The following NDUFAF2 variants were observed in gnomAD, a reference collection of about 807,000 sequenced individuals.
NDUFAF2 encodes NADH:ubiquinone oxidoreductase complex assembly factor 2, also known as NADH dehydrogenase [ubiquinone] 1 alpha subcomplex assembly factor 2.
Under a neutral mutation model 22.8 loss-of-function variants are expected in NDUFAF2, and 13 were observed. The observed-to-expected ratio is 0.57, with a 90% CI of 0.37 to 0.91. NDUFAF2 has a LOEUF of 0.91. NDUFAF2 is among the 40% of genes least tolerant of loss of function. The pLI is 0.01. For synonymous variants in NDUFAF2, 53 were observed against 64.2 expected, an observed-to-expected ratio of 0.83 and a Z score of 0.84; for missense variants, 162 against 195.2, an observed-to-expected ratio of 0.83 and a Z score of 1.01.
intron 1 of NDUFAF2, among the ~76,000 whole-genome samples, chr5:61,071,867 G>A (rs569698689): frequency 3.9e-5 from 6 of 152,318 alleles, no homozygotes; most frequent in Admixed American, 2.0e-4. Flanking sequence ...ATGTTTTGAA[G>A]CAACCATTTT....
chr5:61,026,336 T>C (rs1223041952), intron 1 of NDUFAF2, among the ~76,000 whole-genome samples: 1 of 152,072 alleles, frequency 6.6e-6, no homozygotes, highest in Non-Finnish European at 1.5e-5. Context: ...GGGTTTACAC[T>C]GACCAGGATT....
intron 1 of NDUFAF2, among the ~76,000 whole-genome samples, chr5:61,003,948 C>T (rs1316476587): frequency 6.6e-6 from 1 of 151,958 alleles, no homozygotes; most frequent in Admixed American, 6.6e-5. Flanking sequence ...ATTACAAGCA[C>T]GAGCTACTGT....
chr5:61,111,231 C>T (rs572040676), intron 3 of NDUFAF2, among the ~76,000 whole-genome samples: 1 of 152,240 alleles, frequency 6.6e-6, no homozygotes, highest in East Asian at 1.9e-4. Flanking sequence ...TGTGGCCTAA[C>T]GTATAGTCTG....
intron 2 of NDUFAF2, among the ~76,000 whole-genome samples, chr5:61,079,851 A>G (rs1370191189): frequency 6.6e-6 from 1 of 152,158 alleles, no homozygotes; most frequent in Non-Finnish European, 1.5e-5. Context: ...CTTAACTTAT[A>G]TAGTCTGCTG....
intron 1 of NDUFAF2, among the ~76,000 whole-genome samples, chr5:60,992,651 T>A (rs564671380): frequency 6.6e-5 from 10 of 152,250 alleles, no homozygotes; most frequent in Non-Finnish European, 1.2e-4. Context: ...TGATTATTTA[T>A]TGCTCATTAA....
intron 1 of NDUFAF2, among the ~76,000 whole-genome samples, chr5:60,979,559 T>C (rs975060416): frequency 6.6e-6 from 1 of 152,060 alleles, no homozygotes; most frequent in Non-Finnish European, 1.5e-5. Context: ...GTGGTGGCCA[T>C]AGGGTGAGAC....
intron 1 of NDUFAF2, among the ~76,000 whole-genome samples, chr5:61,020,926 C>G (rs1751574181): frequency 1.3e-5 from 2 of 151,078 alleles, no homozygotes; most frequent in Middle Eastern, 3.3e-3. Context: ...GAACTCCTGA[C>G]CTCGTGATCC....
intron 1 of NDUFAF2, among the ~76,000 whole-genome samples, chr5:61,034,297 T>G (rs1269865984): frequency 2.0e-5 from 3 of 152,196 alleles, no homozygotes; most frequent in Non-Finnish European, 4.4e-5. Context: ...ATGATGGGGA[T>G]AAATTCTGAG....
intron 1 of NDUFAF2, among the ~76,000 whole-genome samples, chr5:61,009,374 G>C (rs1247772083): frequency 1.3e-5 from 2 of 151,944 alleles, no homozygotes; most frequent in African/African-American, 4.8e-5. Context: ...GGCAGGATAT[G>C]GTATGTAACA....
intron 3 of NDUFAF2, among the ~76,000 whole-genome samples, chr5:61,117,356 G>T (rs1752923990): frequency 1.3e-5 from 2 of 152,048 alleles, no homozygotes; most frequent in Non-Finnish European, 2.9e-5. Context: ...ACAATAAAAA[G>T]ATGTATAATT....
chr5:61,032,527 A>T (rs1751741669), intron 1 of NDUFAF2, among the ~76,000 whole-genome samples: 1 of 152,074 alleles, frequency 6.6e-6, no homozygotes, highest in South Asian at 2.1e-4. Flanking sequence ...CAAAGATCAG[A>T]TGGTTGTAGA....
intron 3 of NDUFAF2, among the ~76,000 whole-genome samples, chr5:61,145,534 A>G (rs1356493140): frequency 1.3e-5 from 2 of 152,216 alleles, no homozygotes; most frequent in Non-Finnish European, 2.9e-5. Context: ...AAGGCATTCA[A>G]AGGATTTGGG....
intron 2 of NDUFAF2, among the ~76,000 whole-genome samples, chr5:61,087,547 T>C (rs1280141618): frequency 6.6e-6 from 1 of 152,196 alleles, no homozygotes; most frequent in East Asian, 1.9e-4. Flanking sequence ...CTTTCATATA[T>C]TTCTGACTAG....
At chr5:61,077,709 G>A (rs1752386690) in intron 2 of NDUFAF2, among the ~76,000 whole-genome samples, 1 of 152,190 alleles carries the variant, frequency 6.6e-6, no homozygotes. Context: ...TCCTTGAGAA[G>A]ACAAGATGAG....
In NDUFAF2 at chr5:61,069,582, C is replaced by G. The variant is rs553409390; in HGVS notation, c.128-3543C>G. On this transcript the variant is annotated intron_variant, in intron 1 of 3. Coordinates refer to ENST00000296597, the MANE Select transcript of NDUFAF2 (RefSeq NM_174889.5). The stretch of plus-strand genomic sequence containing the variant: ...AAGAAAAATATTAGGTTATAGTACT[C>G]TAAAGTATGGCAAAAATTGCAAAGA... Among the ~76,000 whole-genome samples the G allele has an allele frequency of 1.8e-3, 274 of 152,160 alleles. 2 individuals carry two copies. The highest frequency in any genetic ancestry group is 6.3e-3 in the African/African-American group (261 of 41,522).
At chr5:61,117,680 T>TAAA (rs76823566) in intron 3 of NDUFAF2, among the ~76,000 whole-genome samples, 2 of 150,902 alleles carry the variant, frequency 1.3e-5, no homozygotes, top group Admixed American at 6.6e-5. Flanking sequence ...GACTTTTTTT[T>TAAA]AAAAAAAAAA....
At chr5:61,134,109 G>A (rs1174591794) in intron 3 of NDUFAF2, among the ~76,000 whole-genome samples, 1 of 152,110 alleles carries the variant, frequency 6.6e-6, no homozygotes, top group East Asian at 1.9e-4. Flanking sequence ...AAAAAGGAGT[G>A]ATGAAAATAT....
At chr5:60,987,984 T>G (rs148281060) in intron 1 of NDUFAF2, among the ~76,000 whole-genome samples, 2 of 152,306 alleles carry the variant, frequency 1.3e-5, no homozygotes, top group African/African-American at 4.8e-5. Context: ...GAAGTCAGAC[T>G]ATCCGTTTGC....
chr5:60,953,273 T>G (rs1189593237), intron 1 of NDUFAF2, among the ~76,000 whole-genome samples: 1 of 151,798 alleles, frequency 6.6e-6, no homozygotes, highest in Admixed American at 6.6e-5. Context: ...GAGTTCAGGG[T>G]TTTTTTTAAA....
Sources: allele counts gnomAD v4.1 joint callset (sites outside exome capture counted in the v4.1 genomes callset), GRCh38; gene constraint gnomAD v4.1.1; transcripts MANE v1.5; gene names NCBI Gene and HGNC (gene_info 2026-07-23, HGNC 2026-07-21).